PPEF2: variants seen among roughly 807,000 people sequenced by gnomAD.
PPEF2 encodes serine/threonine-protein phosphatase with EF-hands 2.
A neutral mutation model predicts 84.7 loss-of-function variants in PPEF2; 84 were observed. The ratio of observed to expected loss-of-function variants is 0.99; its 90% confidence interval spans 0.83 to 1.19. The LOEUF is 1.19. Ranked by LOEUF, PPEF2 falls within the 50% of genes most tolerant of loss-of-function variation. The probability of loss-of-function intolerance (pLI) is 0.00; values close to 1 mark genes in which losing one functional copy is unlikely to be tolerated. For missense variants in PPEF2, 924 were observed against 937.5 expected (o/e 0.99, Z 0.19); for synonymous variants, 346 against 345.2 (o/e 1.00, Z -0.03).
chr4:75,895,875 CTAT>C (rs1724998262), intron 2 of PPEF2, among the ~76,000 whole-genome samples: 1 of 148,150 alleles, frequency 6.7e-6, no homozygotes, highest in South Asian at 2.1e-4. Context: ...AACTCCTGGC[CTAT>C]TGTTTTAAAA....
intron 2 of PPEF2, among the ~76,000 whole-genome samples, chr4:75,895,700 C>G (rs1332931152): frequency 5.9e-5 from 9 of 151,856 alleles, no homozygotes; most frequent in Admixed American, 3.3e-4. Context: ...CCACTGCACT[C>G]CAGCCTGGGC....
chr4:75,894,142 G>T (rs1724955619), intron 2 of PPEF2, among the ~76,000 whole-genome samples: 1 of 152,142 alleles, frequency 6.6e-6, no homozygotes, highest in Admixed American at 6.5e-5. Context: ...GCACAGTAGG[G>T]TATGGGAGAA....
intron 13 of PPEF2, among the ~76,000 whole-genome samples, 159 bp from the exon 14 acceptor site, chr4:75,867,578 C>T (rs747025510): frequency 8.5e-5 from 13 of 152,196 alleles, no homozygotes; most frequent in Non-Finnish European, 1.8e-4. Flanking sequence ...TGTACACAAA[C>T]AGGATGAGTA....
rs370312706 is a variant in PPEF2 at position 75,876,398 on chromosome 4, C to A, written c.1209G>T (p.Gln403His). The change falls in exon 11 of 17, where the codon CAG becomes CAT. Residue 403 changes from glutamine (Q) to histidine (H), a missense_variant. Transcript: ENST00000286719. ...CTCCGGTCACCAGGAGGCCTGCTTG[C>A]TGCCGGCACCGCTCTAGCTCCAGTT... is the stretch of plus-strand genomic sequence containing the variant. ...SVELELERCRQQAGLLVTGEK... is the reference protein window; with the variant it reads ...SVELELERCRHQAGLLVTGEK... 33 of 1,614,056 alleles carry A rather than the reference C, an allele frequency of 2.0e-5. No individual in the cohort carries two copies. The highest frequency in any genetic ancestry group is 2.7e-5 in the Non-Finnish European group (32 of 1,180,044).
chr4:75,877,144 C>G (rs1222189051), intron 10 of PPEF2, among the ~76,000 whole-genome samples: 1 of 151,756 alleles, frequency 6.6e-6, no homozygotes, highest in Non-Finnish European at 1.5e-5. Flanking sequence ...TCGAGACCAG[C>G]CTGACCAACA....
At chr4:75,894,984 T>A (rs954650682) in intron 2 of PPEF2, among the ~76,000 whole-genome samples, 1 of 152,214 alleles carries the variant, frequency 6.6e-6, no homozygotes, top group Non-Finnish European at 1.5e-5. Flanking sequence ...AGAAATGATT[T>A]CACTCGGTCA....
intron 11 of PPEF2, among the ~76,000 whole-genome samples, chr4:75,874,232 G>C (rs1724354824): frequency 6.6e-6 from 1 of 151,930 alleles, no homozygotes; most frequent in South Asian, 2.1e-4. Context: ...ATAACTGCCA[G>C]TCATACAATA....
intron 15 of PPEF2, among the ~76,000 whole-genome samples, chr4:75,864,845 C>T (rs1724090011): frequency 6.6e-6 from 1 of 152,104 alleles, no homozygotes; most frequent in Non-Finnish European, 1.5e-5. Flanking sequence ...TTTACATGTA[C>T]ATAATGAGAT....
intron 10 of PPEF2, among the ~76,000 whole-genome samples, chr4:75,877,214 G>A (rs1406099583): frequency 6.6e-6 from 1 of 151,870 alleles, no homozygotes; most frequent in East Asian, 1.9e-4. Context: ...GTGCATGCCT[G>A]TAATCCCAGC....
chr4:75,871,498 C>A (rs116785739), intron 13 of PPEF2, among the ~76,000 whole-genome samples: 2,034 of 151,726 alleles, frequency 0.013, 17 homozygotes, highest in Non-Finnish European at 0.017. Flanking sequence ...TTTGAGACAG[C>A]CTTGCTCTGT....
chr4:75,883,994 G>C (rs747611728), intron 8 of PPEF2, among the ~76,000 whole-genome samples: 14 of 151,936 alleles, frequency 9.2e-5, no homozygotes, highest in African/African-American at 2.2e-4. Flanking sequence ...TTAGCCGGGC[G>C]TGGTGGCAGG....
intron 16 of PPEF2, among the ~76,000 whole-genome samples, chr4:75,862,515 G>C (rs1724032106): frequency 1.3e-5 from 2 of 151,702 alleles, no homozygotes; most frequent in Non-Finnish European, 2.9e-5. Context: ...TTCTCCAAAA[G>C]AGATATACAA....
chr4:75,902,135 C>A (rs1422139715), intron 1 of PPEF2, 95 bp downstream of exon 1: 1 of 152,202 alleles, frequency 6.6e-6, no homozygotes, highest in Non-Finnish European at 1.5e-5. Flanking sequence ...ACCTTTGTCT[C>A]AAAACAACTC....
intron 2 of PPEF2, among the ~76,000 whole-genome samples, chr4:75,894,284 A>G (rs1247557383): frequency 6.6e-6 from 1 of 152,218 alleles, no homozygotes; most frequent in Non-Finnish European, 1.5e-5. Flanking sequence ...TGATGCCTCT[A>G]GGAAGAAGTA....
intron 6 of PPEF2, among the ~76,000 whole-genome samples, chr4:75,887,403 C>T (rs1724755334): frequency 6.6e-6 from 1 of 152,048 alleles, no homozygotes. Context: ...GGGCGGATCA[C>T]GAGGTCAGGA....
chr4:75,878,891 C>T (rs1461593783), intron 10 of PPEF2, among the ~76,000 whole-genome samples: 7 of 152,090 alleles, frequency 4.6e-5, no homozygotes, highest in Admixed American at 3.3e-4. Context: ...CAATTCATAT[C>T]GACTCAAACT....
At chr4:75,890,648 A>G (rs1724855572) in intron 4 of PPEF2, among the ~76,000 whole-genome samples, 1 of 152,126 alleles carries the variant, frequency 6.6e-6, no homozygotes, top group Non-Finnish European at 1.5e-5. Flanking sequence ...CTTTTATTCT[A>G]AAAGATCAAG....
chr4:75,871,517 C>A (rs6815430), intron 13 of PPEF2, among the ~76,000 whole-genome samples: 150,931 of 152,216 alleles, frequency 0.99, 74,842 homozygotes, highest in Middle Eastern at 1. Context: ...GTCACCCAGG[C>A]TGGAGGGCAG....
chr4:75,865,184 G>A (rs1483455448), intron 15 of PPEF2, among the ~76,000 whole-genome samples: 3 of 152,020 alleles, frequency 2.0e-5, no homozygotes, highest in Middle Eastern at 3.2e-3. Flanking sequence ...TGATCTGCCC[G>A]CCTCGGTCTC....
Sources: gnomAD v4.1 joint callset for allele counts (sites outside exome capture counted in the v4.1 genomes callset) on GRCh38, gnomAD v4.1.1 for gene constraint, MANE v1.5 for transcripts, NCBI Gene and HGNC (gene_info 2026-07-23, HGNC 2026-07-21) for gene names.